Variants in ERAP2 observed in about 807,000 individuals in gnomAD.
ERAP2 encodes the protein endoplasmic reticulum aminopeptidase 2.
A neutral mutation model predicts 111.1 loss-of-function variants in ERAP2; 118 were observed. That is an observed-to-expected ratio of 1.06 (90% CI 0.92 to 1.24). ERAP2 has a LOEUF of 1.24. ERAP2 is among the 50% of genes most tolerant of loss of function. The pLI is 0.00. For missense variants in ERAP2, 1,131 were observed against 1,125.8 expected, an observed-to-expected ratio of 1.00 and a Z score of -0.07; for synonymous variants, 410 against 401.2, an observed-to-expected ratio of 1.02 and a Z score of -0.26.
Position 96,879,650 on chromosome 5 carries a change from C to A in ERAP2, c.-36C>A. 6.4e-7 allele frequency: 1 copy of A among 1,572,148 alleles called. No homozygotes were observed. The highest frequency in any genetic ancestry group is 8.7e-7 in the Non-Finnish European group (1 of 1,144,766). Reference sequence around the variant, plus strand: ...GTGCCATGAAGAACTACGAGATTAGCCTGGATATTAACTTGTCTTCTAGAG... The same window carrying A: ...GTGCCATGAAGAACTACGAGATTAGACTGGATATTAACTTGTCTTCTAGAG... On this transcript the variant is annotated 5_prime_UTR_variant, in exon 2 of 19. Coordinates refer to ENST00000437043, the MANE Select transcript of ERAP2 (RefSeq NM_022350.5).
chr5:96,903,585 C>T (rs2112268941), intron 13 of ERAP2, 25 bp downstream of exon 13: 1 of 1,571,578 alleles, frequency 6.4e-7, no homozygotes, highest in East Asian at 2.3e-5. Flanking sequence ...CCTCTGACTT[C>T]ATGCAAAATA....
Position 96,917,588 on chromosome 5 carries a change from C to A in ERAP2, c.2866C>A (p.Leu956Ile). 1 of 1,610,892 alleles carries A rather than the reference C, an allele frequency of 6.2e-7. No homozygotes were observed. Among genetic ancestry groups the A allele is most frequent in the Non-Finnish European group, 8.5e-7 (1 of 1,177,984 alleles). Residue 956 changes from leucine (L) to isoleucine (I), a missense_variant, in exon 19 of 19, where the codon CTA becomes ATA. Physicochemically the swap from Leu to Ile is conservative, Grantham distance 5. Around this residue, in one of 3 missense-constraint regions of ERAP2, gnomAD observed 279 missense variants for 250.9 expected, o/e 1.11. Transcript: ENST00000437043. ...GAATCTTCCGACTCTGAGGACTTGGCTAATGGTTAATACTTAAATGGTCAA... is the reference window on the plus strand; with the variant it reads ...GAATCTTCCGACTCTGAGGACTTGGATAATGGTTAATACTTAAATGGTCAA... ...EKNLPTLRTWLMVNT is the reference protein window; with the variant it reads ...EKNLPTLRTWIMVNT
chr5:96,902,590 A>C (rs1785593709), intron 12 of ERAP2: 4 of 389,780 alleles, frequency 1.0e-5, no homozygotes, highest in Non-Finnish European at 1.9e-5. Flanking sequence ...TACATCAAGA[A>C]ATAACAGAAA....
chr5:96,899,637 A>T (rs1000786131), intron 9 of ERAP2, among the ~76,000 whole-genome samples: 1 of 152,154 alleles, frequency 6.6e-6, no homozygotes, highest in Non-Finnish European at 1.5e-5. Context: ...TACACTCATC[A>T]CATGCTGTTG....
At position 96,913,426 on chromosome 5, in the gene ERAP2, G is replaced by T. The variant is rs762010702; in HGVS notation, c.2626G>T (p.Val876Leu). The T allele has an allele frequency of 8.1e-6, 13 of 1,613,990 alleles. No individual in the cohort carries two copies. The Middle Eastern group carries it at 6.6e-4, about 82-fold the overall frequency. The change falls in exon 17 of 19, where the codon GTA (valine) becomes TTA (leucine). Residue 876 changes from valine to leucine, a missense_variant. Coordinates refer to ENST00000437043, the MANE Select transcript of ERAP2 (RefSeq NM_022350.5). ...GGGGCAGCAACTAGCATGGGATTTT[G>T]TAAGAGAAAATTGGACCCATCTTCT... ...PKGQQLAWDF[V>L]RENWTHLLKK...
intron 13 of ERAP2, among the ~76,000 whole-genome samples, chr5:96,907,770 C>G (rs958059244): frequency 1.3e-5 from 2 of 151,992 alleles, no homozygotes; most frequent in Non-Finnish European, 2.9e-5. Context: ...ATAATCCCAG[C>G]TACTCAGGAG....
intron 17 of ERAP2, 91 bp from the exon 18 acceptor site, chr5:96,915,597 T>G: frequency 1.6e-6 from 1 of 626,014 alleles, no homozygotes; most frequent in Non-Finnish European, 2.5e-6. Context: ...ATCACATAGT[T>G]ATTAATATAC....
chr5:96,911,425 T>C (rs1786728105), intron 15 of ERAP2, among the ~76,000 whole-genome samples: 1 of 152,176 alleles, frequency 6.6e-6, no homozygotes. Context: ...GTCCTCAAGA[T>C]AATAAAAATC....
intron 13 of ERAP2, among the ~76,000 whole-genome samples, chr5:96,906,355 C>A (rs550549271): frequency 8.5e-5 from 13 of 152,272 alleles, no homozygotes; most frequent in Middle Eastern, 3.4e-3. Context: ...CAGCCTCAAC[C>A]TCCTGGGCTC....
At chr5:96,878,049 G>GT (rs1782734944) in intron 1 of ERAP2, among the ~76,000 whole-genome samples, 1 of 152,158 alleles carries the variant, frequency 6.6e-6, no homozygotes, top group Non-Finnish European at 1.5e-5. Flanking sequence ...GAGGCAGGTG[G>GT]TAGGGTGGCA....
intron 5 of ERAP2, among the ~76,000 whole-genome samples, chr5:96,891,832 G>A (rs1482317060): frequency 6.6e-6 from 1 of 151,970 alleles, no homozygotes; most frequent in African/African-American, 2.4e-5. Flanking sequence ...GCTCCTAAGA[G>A]GTGTTCTCCT....
chr5:96,896,996 T>C (rs79781870), intron 9 of ERAP2, 133 bp downstream of exon 9: 33,121 of 269,654 alleles, frequency 0.12, 1,979 homozygotes, highest in Middle Eastern at 0.29. Context: ...TCATGGTCTA[T>C]AGAAGGCAGC....
At chr5:96,915,374 G>C (rs766436306) in intron 17 of ERAP2, among the ~76,000 whole-genome samples, 4 of 152,060 alleles carry the variant, frequency 2.6e-5, no homozygotes, top group Non-Finnish European at 2.9e-5. Context: ...TTACTGACTG[G>C]AGTATGTAGT....
At chr5:96,915,247 G>A (rs1322849408) in intron 17 of ERAP2, among the ~76,000 whole-genome samples, 2 of 152,130 alleles carry the variant, frequency 1.3e-5, no homozygotes, top group African/African-American at 4.8e-5. Context: ...GACCTCAGGT[G>A]ATCCACCCAC....
chr5:96,911,189 C>G (rs1414452355), intron 15 of ERAP2, among the ~76,000 whole-genome samples: 2 of 152,148 alleles, frequency 1.3e-5, no homozygotes, highest in Non-Finnish European at 2.9e-5. Context: ...TTAAAAAAAT[C>G]AGGATAATAA....
intron 15 of ERAP2, among the ~76,000 whole-genome samples, chr5:96,912,205 G>A (rs2042384): frequency 0.49 from 62,099 of 125,842 alleles, 15,753 homozygotes; most frequent in South Asian, 0.53. Context: ...AAAAAAAAAA[G>A]AAAAGAAAAG....
chr5:96,882,461 G>A (rs1312257394), intron 2 of ERAP2, among the ~76,000 whole-genome samples: 3 of 152,112 alleles, frequency 2.0e-5, no homozygotes, highest in Admixed American at 6.5e-5. Flanking sequence ...GTATGATAAT[G>A]TACTGCACAA....
At chr5:96,903,291 G>T (rs1785681041) in intron 12 of ERAP2, 86 bp from the exon 13 acceptor site, 2 of 1,059,158 alleles carry the variant, frequency 1.9e-6, no homozygotes, top group South Asian at 1.8e-5. Context: ...TGATTTATAA[G>T]TAATTTGATT....
At chr5:96,880,392 AAAGATCTACCATTCCTT>A in intron 2 of ERAP2, 132 bp downstream of exon 2, 1 of 817,632 alleles carries the variant, frequency 1.2e-6, no homozygotes, top group Non-Finnish European at 1.9e-6. Context: ...AGAAGAAGGA[AAAGATCTACCATTCCTT>A]AAGGAAACCA....
Sources: allele counts gnomAD v4.1 joint callset (sites outside exome capture counted in the v4.1 genomes callset), GRCh38; gene constraint gnomAD v4.1.1; regional missense constraint gnomAD v4.1.1; transcripts MANE v1.5; gene names NCBI Gene and HGNC (gene_info 2026-07-23, HGNC 2026-07-21).